Variants in TTC29 observed in about 807,000 individuals in gnomAD.
TTC29 encodes tetratricopeptide repeat domain 29.
A neutral mutation model predicts 58.1 loss-of-function variants in TTC29; 49 were observed. The ratio of observed to expected loss-of-function variants is 0.84; its 90% CI spans 0.67 to 1.07. TTC29 has a LOEUF of 1.07. Ranked by LOEUF, TTC29 falls within the 50% of genes least tolerant of loss-of-function variation. TTC29 has a pLI of 0.00. For synonymous variants in TTC29, 209 were observed against 196.8 expected (o/e 1.06, Z -0.52); for missense variants, 582 against 555.6 (o/e 1.05, Z -0.48).
intron 11 of TTC29, among the ~76,000 whole-genome samples, chr4:146,737,972 G>A (rs1435998058): frequency 6.6e-6 from 1 of 152,174 alleles, no homozygotes; most frequent in Non-Finnish European, 1.5e-5. Flanking sequence ...ACTGGATGGG[G>A]CTGGATTGTG....
intron 9 of TTC29, among the ~76,000 whole-genome samples, chr4:146,830,837 A>C (rs1160387408): frequency 6.6e-6 from 1 of 152,234 alleles, no homozygotes; most frequent in East Asian, 1.9e-4. Flanking sequence ...AAAGCCTTTC[A>C]AGCAAAATGT....
At chr4:146,708,859 C>T (rs965774152) in intron 11 of TTC29, among the ~76,000 whole-genome samples, 35 of 152,180 alleles carry the variant, frequency 2.3e-4, no homozygotes, top group African/African-American at 8.2e-4. Flanking sequence ...TGTCTCTTCT[C>T]TCAAGATACT....
chr4:146,812,831 T>A (rs751150623), intron 10 of TTC29: 6 of 152,236 alleles, frequency 3.9e-5, no homozygotes, highest in Admixed American at 6.5e-5. Flanking sequence ...TGTCTAAATC[T>A]CTTCTCCAAA....
chr4:146,941,623 A>G (rs1242860851), intron 2 of TTC29, among the ~76,000 whole-genome samples: 1 of 152,208 alleles, frequency 6.6e-6, no homozygotes. Flanking sequence ...GCAGAAGGAG[A>G]CAAGCTCAAA....
rs146497942 is a variant in TTC29, at chr4:146,756,270, CAAA to C, written c.1330+47184_1330+47186del. ...TGGGTGACAGAGCAAGACTCTGTCTCAAAAAAAAAAAAAAAAAAATCTGTAGTC... is the reference window on the plus strand; with the variant it reads ...TGGGTGACAGAGCAAGACTCTGTCTCAAAAAAAAAAAAAAAATCTGTAGTC... On this transcript the variant is annotated intron_variant, in intron 11 of 12. Transcript: ENST00000325106. Among the ~76,000 whole-genome samples the C allele has an allele frequency of 7.8e-3, 842 of 107,540 alleles. 16 individuals are homozygous for C. The highest frequency in any genetic ancestry group is 0.05 in the Admixed American group (558 of 11,124). 70.6% of individuals were successfully genotyped at this position (107,540 alleles called of 152,430 possible).
intron 11 of TTC29, among the ~76,000 whole-genome samples, chr4:146,766,608 C>T (rs1747343457): frequency 6.6e-6 from 1 of 151,892 alleles, no homozygotes; most frequent in Non-Finnish European, 1.5e-5. Context: ...TGTGATAAAG[C>T]TATTAGTCTC....
At chr4:146,737,825 T>TA (rs979202056) in intron 11 of TTC29, among the ~76,000 whole-genome samples, 8 of 152,312 alleles carry the variant, frequency 5.3e-5, no homozygotes, top group African/African-American at 1.9e-4. Flanking sequence ...CCAAATCATC[T>TA]AAAAAATCTT....
At chr4:146,723,800 A>T (rs1743559708) in intron 11 of TTC29, among the ~76,000 whole-genome samples, 1 of 152,216 alleles carries the variant, frequency 6.6e-6, no homozygotes, top group African/African-American at 2.4e-5. Flanking sequence ...TAGTTCAGCC[A>T]CTGTGGAAAG....
At chr4:146,858,423 C>A (rs985323314) in intron 8 of TTC29, among the ~76,000 whole-genome samples, 5 of 152,182 alleles carry the variant, frequency 3.3e-5, no homozygotes, top group African/African-American at 7.2e-5. Flanking sequence ...TATGACTTGA[C>A]CTATATTCCA....
At chr4:146,757,868 A>T (rs1320397510) in intron 11 of TTC29, among the ~76,000 whole-genome samples, 1 of 152,172 alleles carries the variant, frequency 6.6e-6, no homozygotes, top group Non-Finnish European at 1.5e-5. Flanking sequence ...TCTTTAAAGC[A>T]TAAATCACAC....
At chr4:146,777,170 C>T (rs1473615373) in intron 11 of TTC29, among the ~76,000 whole-genome samples, 1 of 152,184 alleles carries the variant, frequency 6.6e-6, no homozygotes, top group Non-Finnish European at 1.5e-5. Context: ...GCAGTCATGG[C>T]TCTCTGAGGC....
intron 11 of TTC29, among the ~76,000 whole-genome samples, chr4:146,728,845 A>ATATATATACATATATATACACATATATG (rs1744081432): frequency 1.2e-5 from 1 of 81,300 alleles, no homozygotes; most frequent in African/African-American, 3.8e-5. Flanking sequence ...ACACATATAT[A>ATATATATACATATATATACACATATATG]TGTATATATA....
At chr4:146,724,098 T>C (rs974839041) in intron 11 of TTC29, among the ~76,000 whole-genome samples, 2 of 152,168 alleles carry the variant, frequency 1.3e-5, no homozygotes, top group Non-Finnish European at 2.9e-5. Flanking sequence ...TGGAGGCCAT[T>C]ATCCTAAGTG....
rs186494857 is a variant in TTC29, at chr4:146,741,605, G to C, written c.1331-34054C>G. Among the ~76,000 whole-genome samples, 76 of 148,690 alleles carry C rather than the reference G, an allele frequency of 5.1e-4. 1 individual carries two copies. The highest frequency in any genetic ancestry group is 1.8e-3 in the African/African-American group (74 of 40,316). ...GCAATAACTCTTAACTGGTCTCTTT[G>C]CTTCTGGTCTCTCTTATCTCCAGTT... On this transcript the variant is annotated intron_variant, in intron 11 of 12. Transcript: ENST00000325106.
chr4:146,861,930 A>T (rs1399135299), intron 8 of TTC29, among the ~76,000 whole-genome samples: 1 of 152,186 alleles, frequency 6.6e-6, no homozygotes, highest in Non-Finnish European at 1.5e-5. Context: ...TGAGAAGATA[A>T]AATTGTATAT....
chr4:146,916,901 C>T (rs928840229), intron 4 of TTC29, among the ~76,000 whole-genome samples: 1 of 151,280 alleles, frequency 6.6e-6, no homozygotes, highest in East Asian at 1.9e-4. Context: ...GGGCAGGTGG[C>T]ATACCATAGA....
chr4:146,743,819 A>G (rs1025229670), intron 11 of TTC29, among the ~76,000 whole-genome samples: 3 of 152,224 alleles, frequency 2.0e-5, no homozygotes, highest in African/African-American at 7.2e-5. Context: ...TCCATGAGCA[A>G]TGTGTGAACC....
intron 5 of TTC29, among the ~76,000 whole-genome samples, chr4:146,908,764 G>A (rs912483700): frequency 3.3e-5 from 5 of 152,272 alleles, no homozygotes; most frequent in Non-Finnish European, 7.4e-5. Flanking sequence ...TAATTCATGG[G>A]GGAAGTTCTG....
At chr4:146,782,979 T>C (rs1748731622) in intron 11 of TTC29, among the ~76,000 whole-genome samples, 1 of 152,040 alleles carries the variant, frequency 6.6e-6, no homozygotes, top group African/African-American at 2.4e-5. Flanking sequence ...CAGTTCAGCA[T>C]CAAAAGCAGT....
Sources: allele counts gnomAD v4.1 joint callset (sites outside exome capture counted in the v4.1 genomes callset), GRCh38; gene constraint gnomAD v4.1.1; transcripts MANE v1.5; gene names NCBI Gene and HGNC (gene_info 2026-07-23, HGNC 2026-07-21).